The following GLP2R variants were observed in gnomAD, a reference collection of about 807,000 sequenced individuals.
The protein encoded by GLP2R is glucagon like peptide 2 receptor.
In GLP2R, 59 loss-of-function variants were observed where a neutral mutation model predicts 68.2. The ratio of observed to expected loss-of-function variants is 0.87; its 90% CI spans 0.70 to 1.07. The LOEUF is 1.07. GLP2R is among the 50% of genes least tolerant of loss of function. The probability of loss-of-function intolerance (pLI) is 0.00; values close to 1 mark genes in which losing one functional copy is unlikely to be tolerated. For synonymous variants in GLP2R, 270 were observed against 265.4 expected (o/e 1.02, Z -0.17); for missense variants, 548 against 677.4 (o/e 0.81, Z 2.12).
rs953819616 is a variant in GLP2R, at chr17:9,839,382, A to C, written c.382+2907A>C. Among the ~76,000 whole-genome samples, 37 of 152,028 alleles carry C rather than the reference A, an allele frequency of 2.4e-4. 1 individual carries two copies. Among genetic ancestry groups the C allele is most frequent in the Admixed American group, 2.2e-3 (33 of 15,260 alleles). ...GGAGGAGTAGAAAATGGAGGAGAGGAAAACAAACTCCTCTTCCTTCTCCTC... is the reference window on the plus strand; with the variant it reads ...GGAGGAGTAGAAAATGGAGGAGAGGCAAACAAACTCCTCTTCCTTCTCCTC... On this transcript the variant is annotated intron_variant, in intron 3 of 12. Coordinates refer to ENST00000262441, the MANE Select transcript of GLP2R (RefSeq NM_004246.3).
chr17:9,842,253 G>A (rs2066794117), intron 3 of GLP2R, among the ~76,000 whole-genome samples: 1 of 152,216 alleles, frequency 6.6e-6, no homozygotes, highest in South Asian at 2.1e-4. Context: ...GTCACCAGAG[G>A]CTGTTCTAAC....
At chr17:9,828,213 A>G (rs572537576) in intron 1 of GLP2R, among the ~76,000 whole-genome samples, 69 of 152,168 alleles carry the variant, frequency 4.5e-4, no homozygotes, top group Non-Finnish European at 6.2e-4. Flanking sequence ...CATGGATTGT[A>G]AATGTGAGCC....
rs1323837587 is a variant in GLP2R, at chr17:9,862,085, G to A, written c.1051G>A (p.Val351Ile). The A allele has an allele frequency of 1.2e-6, 2 of 1,610,822 alleles. No homozygotes were observed. Among genetic ancestry groups the A allele is most frequent in the African/African-American group, 2.7e-5 (2 of 74,852 alleles). ...CATCCGAGGACCCATGATGCTCTGT[G>A]TAACAGTAAGGACCATCCCATCCAC... ...WIIRGPMMLCVTVNFFIFLKI... is the reference protein window; with the variant it reads ...WIIRGPMMLCITVNFFIFLKI... Residue 351 changes from valine to isoleucine, a missense_variant, in exon 9 of 13, where the codon GTA becomes ATA. By Grantham distance (29) the Val-to-Ile change is conservative. Transcript: ENST00000262441.
At chr17:9,865,965 A>G (rs1382166496) in intron 9 of GLP2R, 1 of 469,246 alleles carries the variant, frequency 2.1e-6, no homozygotes, top group East Asian at 6.9e-5. Context: ...CTTCATGTCT[A>G]TCAGTTTACA....
intron 4 of GLP2R, among the ~76,000 whole-genome samples, chr17:9,853,568 GATA>G (rs1355895225): frequency 6.6e-6 from 1 of 152,168 alleles, no homozygotes; most frequent in African/African-American, 2.4e-5. Context: ...ACATTAGAAG[GATA>G]ATAAGAGATT....
At chr17:9,887,870 G>A (rs2067257204) in intron 11 of GLP2R, 62 bp from the exon 12 acceptor site, 2 of 1,253,680 alleles carry the variant, frequency 1.6e-6, no homozygotes, top group Non-Finnish European at 2.3e-6. Flanking sequence ...GACGTTGCCA[G>A]TAACTCTCAG....
chr17:9,873,556 CTTTT>C (rs3073988), intron 10 of GLP2R, among the ~76,000 whole-genome samples: 7 of 52,076 alleles, frequency 1.3e-4, no homozygotes, highest in Admixed American at 5.1e-4. Context: ...TATGCATGGA[CTTTT>C]TTTTTTTTTT....
intron 10 of GLP2R, among the ~76,000 whole-genome samples, chr17:9,879,845 C>T (rs775986028): frequency 1.2e-4 from 19 of 152,306 alleles, no homozygotes; most frequent in Middle Eastern, 3.4e-3. Flanking sequence ...AAGGAGTCTG[C>T]AGGTCGGAAC....
chr17:9,828,520 C>A (rs572790647), intron 1 of GLP2R, among the ~76,000 whole-genome samples: 1 of 152,350 alleles, frequency 6.6e-6, no homozygotes, highest in East Asian at 1.9e-4. Context: ...TCATAAAATG[C>A]TTCCTCACAC....
At chr17:9,851,242 T>A (rs142167914) in intron 4 of GLP2R, among the ~76,000 whole-genome samples, 3 of 152,158 alleles carry the variant, frequency 2.0e-5, no homozygotes, top group African/African-American at 7.2e-5. Context: ...GACCCAGTAA[T>A]GTCTTGATAT....
In GLP2R at chr17:9,849,607, CTTTT is replaced by C. The variant is rs57795068; in HGVS notation, c.505-4868_505-4865del. ...GGTTATTTCCAATCTTTTTCTCTTT[CTTTT>C]TTTTTTTTTTTTTTTTTTTGAGACA... On this transcript the variant is annotated intron_variant, in intron 4 of 12. Transcript: ENST00000262441. Among the ~76,000 whole-genome samples the C allele has an allele frequency of 2.0e-4, 17 of 87,116 alleles. No individual in the cohort carries two copies. The South Asian group carries it at 3.2e-3, about 16-fold the overall frequency. 57.2% of individuals were successfully genotyped at this position (87,116 alleles called of 152,430 possible).
intron 4 of GLP2R, among the ~76,000 whole-genome samples, chr17:9,847,650 C>T (rs914826071): frequency 9.2e-5 from 14 of 152,128 alleles, no homozygotes; most frequent in East Asian, 1.9e-4. Context: ...CCAGGATGAC[C>T]GTACCACTGG....
rs540359724 is a variant in GLP2R, at chr17:9,882,153, C to T, written c.1284+1637C>T. Reference sequence around the variant, plus strand: ...TCTGGGACTGCTTTTGTTCTCTAATCCCTGCTCCACCAGTGAGGAAATTCT... The same window carrying T: ...TCTGGGACTGCTTTTGTTCTCTAATTCCTGCTCCACCAGTGAGGAAATTCT... On this transcript the variant is annotated intron_variant, in intron 11 of 12. Coordinates refer to ENST00000262441, the MANE Select transcript of GLP2R (RefSeq NM_004246.3). Among the ~76,000 whole-genome samples the T allele has an allele frequency of 1.9e-4, 29 of 152,204 alleles. 2 individuals carry two copies. The South Asian group carries it at 6.0e-3, about 32-fold the overall frequency.
intron 9 of GLP2R, among the ~76,000 whole-genome samples, chr17:9,864,762 A>T (rs373858701): frequency 6.6e-6 from 1 of 152,052 alleles, no homozygotes; most frequent in African/African-American, 2.4e-5. Context: ...ACCTCAAGCA[A>T]TCTACCCACC....
At chr17:9,863,162 A>G (rs2067002424) in intron 9 of GLP2R, among the ~76,000 whole-genome samples, 2 of 152,138 alleles carry the variant, frequency 1.3e-5, no homozygotes, top group South Asian at 2.1e-4. Flanking sequence ...CACCCCACAC[A>G]TGGTGTGCTT....
At chr17:9,866,245 C>G in intron 9 of GLP2R, 1 of 221,366 alleles carries the variant, frequency 4.5e-6, no homozygotes, top group East Asian at 1.1e-4. Context: ...GTTTCTTCAT[C>G]TATGAAATCA....
chr17:9,882,917 T>TC (rs2067209434), intron 11 of GLP2R, among the ~76,000 whole-genome samples: 3 of 150,664 alleles, frequency 2.0e-5, no homozygotes, highest in African/African-American at 7.4e-5. Flanking sequence ...TATAATATAT[T>TC]ATCTAAAACT....
At position 9,890,263 on chromosome 17, in the gene GLP2R, A is replaced by G. The variant is rs183470131; in HGVS notation, c.*558A>G. ...GAGAACACTGGGCAGGGTGAGAGGG[A>G]GCTAGAAGCGCCCCCATGTGGCCAT... On this transcript the variant is annotated 3_prime_UTR_variant, in exon 13 of 13. Transcript: ENST00000262441. The G allele has an allele frequency of 1.0e-3, 351 of 342,850 alleles. 6 individuals are homozygous for G. In the East Asian group the frequency reaches 0.025, roughly 24 times the overall value. 21.2% of individuals were successfully genotyped at this position (342,850 alleles called of 1,614,324 possible). A position where few individuals can be genotyped will look rare whatever the true frequency, so the allele number is the denominator to read the frequency against.
At chr17:9,828,276 A>G (rs1167866122) in intron 1 of GLP2R, among the ~76,000 whole-genome samples, 31 of 152,164 alleles carry the variant, frequency 2.0e-4, no homozygotes, top group Admixed American at 2.0e-3. Flanking sequence ...TCCCCCAGTG[A>G]CCAGAACATC....
Sources: gnomAD v4.1 joint callset for allele counts (sites outside exome capture counted in the v4.1 genomes callset) on GRCh38, gnomAD v4.1.1 for gene constraint, MANE v1.5 for transcripts, NCBI Gene and HGNC (gene_info 2026-07-23, HGNC 2026-07-21) for gene names.